LONP1: variants seen among roughly 807,000 people sequenced by gnomAD.
The protein encoded by LONP1 is lon peptidase 1, mitochondrial, also known as lon protease homolog, mitochondrial.
In LONP1, 31 loss-of-function variants were observed where a neutral mutation model predicts 98.5. The observed-to-expected ratio is 0.31, with a 90% CI of 0.24 to 0.42. LONP1 has a LOEUF of 0.42. LONP1 is among the 20% of genes least tolerant of loss of function. The pLI is 1.00. For synonymous variants in LONP1, 781 were observed against 594.7 expected, an observed-to-expected ratio of 1.31 and a Z score of -4.56; for missense variants, 1,336 against 1,350.6, an observed-to-expected ratio of 0.99 and a Z score of 0.17.
chr19:5,691,927 G>A lies in LONP1; in HGVS notation c.*105C>T. 4 of 1,326,866 alleles carry A rather than the reference G, an allele frequency of 3.0e-6. 1 individual carries two copies. In the South Asian group the frequency reaches 5.7e-5, roughly 19 times the overall value. The allele number at this position is 1,326,866 out of a possible 1,614,324, so 82.2% of individuals were successfully genotyped here. On this transcript the variant is annotated 3_prime_UTR_variant, in exon 18 of 18. Transcript: ENST00000360614. The stretch of plus-strand genomic sequence containing the variant: ...GGGATCTGGGTCACTGGACCGAGCT[G>A]CTCGCTCGGTGGCTCCACTGCCAGG...
At chr19:5,694,646 G>GGGTGGTGGGGTGATGGGCGCGA in intron 14 of LONP1, 94 bp from the exon 15 acceptor site, 1 of 1,563,636 alleles carries the variant, frequency 6.4e-7, no homozygotes, top group Non-Finnish European at 8.7e-7. Context: ...GACGGGCGCG[G>GGGTGGTGGGGTGATGGGCGCGA]GGTGGTGGGG....
chr19:5,718,330 T>C (rs747849830), intron 1 of LONP1, among the ~76,000 whole-genome samples: 36 of 151,852 alleles, frequency 2.4e-4, no homozygotes, highest in Non-Finnish European at 4.4e-4. Context: ...ATAGAAAAAT[T>C]AGCCAGCCAC....
At chr19:5,719,573 C>T in intron 1 of LONP1, 131 bp downstream of exon 1, 1 of 1,507,380 alleles carries the variant, frequency 6.6e-7, no homozygotes, top group Admixed American at 2.1e-5. Flanking sequence ...GACAAGGATT[C>T]GAACTGCACC....
intron 1 of LONP1, 40 bp downstream of exon 1, chr19:5,719,664 C>G (rs781448122): frequency 6.2e-7 from 1 of 1,613,360 alleles, no homozygotes; most frequent in South Asian, 1.1e-5. Context: ...GCTGCTTGCA[C>G]AGGTGGGAAA....
intron 1 of LONP1, among the ~76,000 whole-genome samples, chr19:5,714,611 A>G (rs1431367003): frequency 3.6e-5 from 5 of 138,410 alleles, no homozygotes; most frequent in Admixed American, 1.5e-4. Context: ...AGCACAGGGT[A>G]GCTTTTCTTT....
At chr19:5,700,751 C>T (rs766813020) in intron 9 of LONP1, 38 bp downstream of exon 9, 1 of 1,611,780 alleles carries the variant, frequency 6.2e-7, no homozygotes, top group South Asian at 1.1e-5. Flanking sequence ...CCCGGGCACC[C>T]ACATGCAAAT....
At position 5,709,118 on chromosome 19, in the gene LONP1, G is replaced by A. The variant is rs535095043; in HGVS notation, c.871-715C>T. ...CAGCCTTGAATTCTTGGGCTCAAGC[G>A]ATCCTCCCCGCTCATTTTCCGGAGT... is the stretch of plus-strand genomic sequence containing the variant. On this transcript the variant is annotated intron_variant, in intron 4 of 17. Coordinates refer to ENST00000360614, the MANE Select transcript of LONP1 (RefSeq NM_004793.4). Among the ~76,000 whole-genome samples the A allele has an allele frequency of 4.0e-5, 6 of 151,576 alleles. No individual in the cohort carries two copies. In the South Asian group the frequency reaches 1.3e-3, roughly 32 times the overall value.
At position 5,692,358 on chromosome 19, in the gene LONP1, C is replaced by T. The variant is rs530216036; in HGVS notation, c.2704-150G>A. 1.8e-4 allele frequency: 120 copies of T among 669,114 alleles called. 2 individuals are homozygous for T. In the South Asian group the frequency reaches 2.6e-3, roughly 14 times the overall value. 41.4% of individuals were successfully genotyped at this position (669,114 alleles called of 1,614,324 possible). A position where few individuals can be genotyped will look rare whatever the true frequency, so the allele number is the denominator to read the frequency against. ...AAGTCCCAAAACCCACCAGGGTCCC[C>T]GTCTCCCACGGGGAAACAGGCTCAA... On this transcript the variant is annotated intron_variant, in intron 17 of 17. Transcript: ENST00000360614.
intron 14 of LONP1, 89 bp from the exon 15 acceptor site, chr19:5,694,641 G>GCGCGGGGTGGTGGGGTGATGGA: frequency 1.3e-6 from 2 of 1,565,380 alleles, no homozygotes; most frequent in Non-Finnish European, 1.7e-6. Context: ...GGTGTGACGG[G>GCGCGGGGTGGTGGGGTGATGGA]CGCGGGGTGG....
Position 5,692,055 on chromosome 19 carries a change from C to CT in LONP1, c.2856dup (p.Glu953ArgfsTer27). On this transcript the variant is annotated frameshift_variant, in exon 18 of 18. Transcript: ENST00000360614. LOFTEE classifies it high-confidence loss of function. The stretch of plus-strand genomic sequence containing the variant: ...CGTCACCGTTCCACGGCCAGCGCCT[C>CT]TGCCTGCTCGTCCGGGAAGGCGATG... 6.3e-7 allele frequency: 1 copy of CT among 1,593,428 alleles called. No homozygotes were observed. The highest frequency in any genetic ancestry group is 8.6e-7 in the Non-Finnish European group (1 of 1,166,202).
At chr19:5,700,576 C>A (rs913959496) in intron 9 of LONP1, among the ~76,000 whole-genome samples, 1 of 152,224 alleles carries the variant, frequency 6.6e-6, no homozygotes, top group African/African-American at 2.4e-5. Flanking sequence ...CCACCATGCC[C>A]GGCCCGTCAG....
At chr19:5,695,979 G>C (rs2054919619) in intron 13 of LONP1, 75 bp downstream of exon 13, 1 of 1,350,548 alleles carries the variant, frequency 7.4e-7, no homozygotes, top group Admixed American at 2.0e-5. Flanking sequence ...GCTCCCAGAG[G>C]CACGGCCTCT....
Position 5,696,175 on chromosome 19 carries a change from G to GGGC in LONP1, c.1897-8_1897-6dup. 2 of 1,612,868 alleles carry GGGC rather than the reference G, an allele frequency of 1.2e-6. No individual in the cohort carries two copies. The highest frequency in any genetic ancestry group is 1.7e-6 in the Non-Finnish European group (2 of 1,179,840). Reference sequence around the variant, plus strand: ...GGCCGTGCAGATGAACAGCACCTGGGGGCGGCGGCAAGGTGCTGGGGGACT... The same window carrying GGGC: ...GGCCGTGCAGATGAACAGCACCTGGGGGCGGCGGCGGCAAGGTGCTGGGGGACT... On this transcript the variant is annotated splice_region_variant and splice_polypyrimidine_tract_variant and intron_variant, in intron 12 of 17. Coordinates refer to ENST00000360614, the MANE Select transcript of LONP1 (RefSeq NM_004793.4).
intron 9 of LONP1, among the ~76,000 whole-genome samples, chr19:5,699,464 G>A (rs920324298): frequency 4.6e-5 from 7 of 151,882 alleles, no homozygotes; most frequent in Admixed American, 2.6e-4. Context: ...TGCCAGGCCC[G>A]TTCAGCAGTT....
At chr19:5,703,949 C>G (rs549776034) in intron 8 of LONP1, among the ~76,000 whole-genome samples, 1 of 152,326 alleles carries the variant, frequency 6.6e-6, no homozygotes, top group Non-Finnish European at 1.5e-5. Context: ...GAGGCACTCG[C>G]TGGGAGACAG....
chr19:5,692,816 G>A (rs1197686161), intron 17 of LONP1, among the ~76,000 whole-genome samples: 3 of 152,258 alleles, frequency 2.0e-5, no homozygotes, highest in African/African-American at 7.2e-5. Context: ...CCCTCGTGGT[G>A]GCATCTCCTG....
upstream of LONP1, chr19:5,720,213 C>G: frequency 1.4e-6 from 2 of 1,383,558 alleles, no homozygotes; most frequent in Non-Finnish European, 1.9e-6. Context: ...GCGCGTGCCT[C>G]GGTACCCGAT....
Position 5,716,253 on chromosome 19 carries a change from AATATACATATATATATATATAT to A in LONP1, c.430-2004_430-1983del, listed in dbSNP as rs1238474410. ...ATTCTTTATTATATAATAAAGTTAAAATATACATATATATATATATATATATATATATATATATATATATATA... is the reference window on the plus strand; with the variant it reads ...ATTCTTTATTATATAATAAAGTTAAAATATATATATATATATATATATATA... On this transcript the variant is annotated intron_variant, in intron 1 of 17. Transcript: ENST00000360614. 1.4e-3 allele frequency among the ~76,000 whole-genome samples: 98 copies of A among 71,730 alleles called. 1 individual carries two copies. In the East Asian group the frequency reaches 0.031, roughly 22 times the overall value. 47.1% of individuals were successfully genotyped at this position (71,730 alleles called of 152,430 possible).
chr19:5,710,082 ATTTTT>A (rs35535433), intron 4 of LONP1, among the ~76,000 whole-genome samples: 2 of 137,546 alleles, frequency 1.5e-5, no homozygotes. Flanking sequence ...GGCTGTCTGA[ATTTTT>A]TTTTTTTTTT....
Sources: gnomAD v4.1 joint callset for allele counts (sites outside exome capture counted in the v4.1 genomes callset) on GRCh38, gnomAD v4.1.1 for gene constraint, MANE v1.5 for transcripts, NCBI Gene and HGNC (gene_info 2026-07-23, HGNC 2026-07-21) for gene names.